The following TRAPPC9 variants were observed in gnomAD, a reference collection of about 807,000 sequenced individuals.
The protein encoded by TRAPPC9 is IKK2 binding protein.
A neutral mutation model predicts 124.0 loss-of-function variants in TRAPPC9; 83 were observed. The observed-to-expected ratio is 0.67, with a 90% CI of 0.56 to 0.80. The LOEUF is 0.80. Among genes scored for constraint, TRAPPC9 ranks in the 30% least tolerant of loss-of-function variants. The pLI, the probability that TRAPPC9 is intolerant of heterozygous loss-of-function variation, is 0.00. For missense variants in TRAPPC9, 1,302 were observed against 1,508.3 expected, an observed-to-expected ratio of 0.86 and a Z score of 2.27; for synonymous variants, 638 against 617.5, an observed-to-expected ratio of 1.03 and a Z score of -0.49.
chr8:140,206,876 C>T (rs1027615538), intron 17 of TRAPPC9, among the ~76,000 whole-genome samples: 8 of 152,074 alleles, frequency 5.3e-5, no homozygotes, highest in African/African-American at 1.7e-4. Context: ...CTTCCCAAGC[C>T]GTCTGTGACC....
intron 19 of TRAPPC9, among the ~76,000 whole-genome samples, chr8:139,987,754 G>A (rs1176842959): frequency 6.6e-6 from 1 of 152,180 alleles, no homozygotes; most frequent in East Asian, 1.9e-4. Context: ...ATGGAGGGAG[G>A]GTGAGTGGAG....
chr8:140,016,463 A>T (rs1307545234), intron 18 of TRAPPC9, among the ~76,000 whole-genome samples: 1 of 152,054 alleles, frequency 6.6e-6, no homozygotes, highest in Non-Finnish European at 1.5e-5. Context: ...CGTTACCTTA[A>T]CCCAGAGTCA....
At chr8:140,444,290 T>A (rs143812893) in intron 2 of TRAPPC9, among the ~76,000 whole-genome samples, 1,674 of 152,124 alleles carry the variant, frequency 0.011, 33 homozygotes, top group African/African-American at 0.037. Flanking sequence ...GTGTTTTTTA[T>A]CTTTTGTTAA....
chr8:139,845,079 C>T (rs1005710024), intron 21 of TRAPPC9, among the ~76,000 whole-genome samples: 1 of 152,222 alleles, frequency 6.6e-6, no homozygotes, highest in Non-Finnish European at 1.5e-5. Flanking sequence ...TCAAGCAACA[C>T]GGAGCTGAGT....
intron 5 of TRAPPC9, among the ~76,000 whole-genome samples, chr8:140,417,169 C>G (rs2069964026): frequency 6.6e-6 from 1 of 152,088 alleles, no homozygotes; most frequent in Admixed American, 6.6e-5. Context: ...GCAAAGACTT[C>G]ATAACTAAAA....
intron 18 of TRAPPC9, among the ~76,000 whole-genome samples, chr8:140,023,269 T>C (rs950918099): frequency 2.0e-5 from 3 of 152,194 alleles, no homozygotes; most frequent in Non-Finnish European, 1.5e-5. Flanking sequence ...TAGATTCCAC[T>C]ACTCCAACAT....
intron 17 of TRAPPC9, among the ~76,000 whole-genome samples, chr8:140,101,541 G>GTTTTTT (rs11387005): frequency 8.7e-6 from 1 of 114,958 alleles, no homozygotes; most frequent in Non-Finnish European, 1.7e-5. Context: ...TCTTTTTTTT[G>GTTTTTT]TTTTTTTTTT....
chr8:140,365,426 G>A (rs2068081894), intron 8 of TRAPPC9, among the ~76,000 whole-genome samples: 1 of 152,210 alleles, frequency 6.6e-6, no homozygotes, highest in African/African-American at 2.4e-5. Flanking sequence ...ATGAGGTTAC[G>A]CATGTGAAGC....
chr8:139,964,841 G>C (rs1835594761), intron 19 of TRAPPC9, among the ~76,000 whole-genome samples: 1 of 152,180 alleles, frequency 6.6e-6, no homozygotes, highest in Admixed American at 6.5e-5. Context: ...AAGGACCTTA[G>C]ACCCCAGTGC....
In TRAPPC9 at chr8:140,018,324, A is replaced by ATTTTTTCTTTTTTCTTTTTTTTTTTTT. The variant is rs765656679; in HGVS notation, c.2699+5612_2699+5613insAAAAAAAAAAAAAGAAAAAAGAAAAAA. Among the ~76,000 whole-genome samples the ATTTTTTCTTTTTTCTTTTTTTTTTTTT allele has an allele frequency of 5.8e-5, 7 of 119,774 alleles. 1 individual carries two copies. Among genetic ancestry groups the ATTTTTTCTTTTTTCTTTTTTTTTTTTT allele is most frequent in the African/African-American group, 2.0e-4 (6 of 30,664 alleles). The allele number at this position is 119,774 out of a possible 152,430, so 78.6% of individuals were successfully genotyped here. ...TTGCTGGTATATAGAAACGTAAGTG[A>ATTTTTTCTTTTTTCTTTTTTTTTTTTT]TTTTTTTTTTTTTTTTTGAGACGGA... On this transcript the variant is annotated intron_variant, in intron 18 of 22. Transcript: ENST00000438773.
At chr8:140,075,696 T>C (rs1004072740) in intron 17 of TRAPPC9, among the ~76,000 whole-genome samples, 3 of 152,208 alleles carry the variant, frequency 2.0e-5, no homozygotes, top group African/African-American at 7.2e-5. Context: ...ATAACCACTT[T>C]TCCATAGGAG....
chr8:139,832,237 G>A (rs894042990), intron 21 of TRAPPC9, among the ~76,000 whole-genome samples: 2 of 152,172 alleles, frequency 1.3e-5, no homozygotes, highest in African/African-American at 2.4e-5. Context: ...TGAGCAAAAC[G>A]GCCTCTTTCT....
intron 17 of TRAPPC9, among the ~76,000 whole-genome samples, chr8:140,038,631 G>A (rs552085875): frequency 2.0e-5 from 3 of 152,342 alleles, no homozygotes; most frequent in Non-Finnish European, 2.9e-5. Context: ...CTGATCCAGA[G>A]GGAGGCGGCC....
chr8:140,327,786 G>A (rs898167691), intron 9 of TRAPPC9, among the ~76,000 whole-genome samples: 6 of 152,160 alleles, frequency 3.9e-5, no homozygotes, highest in African/African-American at 7.2e-5. Flanking sequence ...TGTGTAATGC[G>A]TACAGAGATT....
In TRAPPC9 at chr8:140,087,994, C is replaced by T. The variant is rs140695708; in HGVS notation, c.2557-63915G>A. On this transcript the variant is annotated intron_variant, in intron 17 of 22. Coordinates refer to ENST00000438773, the MANE Select transcript of TRAPPC9 (RefSeq NM_001160372.4). This position sits in a 1 kb window ranked among gnomAD's most constrained non-coding sequence, Gnocchi z 4.6. ...CTTGGAAGATGTGGCTTACCAGAGC[C>T]CCTAGCTCTTTAGATGGCTATCTCT... Among the ~76,000 whole-genome samples the T allele has an allele frequency of 7.0e-3, 1,063 of 152,018 alleles. 5 individuals carry two copies. The highest frequency in any genetic ancestry group is 0.025 in the African/African-American group (1,025 of 41,450).
chr8:140,217,537 G>A lies in TRAPPC9; in HGVS notation c.2556+3922C>T, dbSNP rs559777193. On this transcript the variant is annotated intron_variant, in intron 17 of 22. Transcript: ENST00000438773. ...TTCCCACGAAAGATTCTATAACCCC[G>A]CATCTGGACTTACAGCATAATACAA... 1.8e-4 allele frequency among the ~76,000 whole-genome samples: 28 copies of A among 152,172 alleles called. 1 individual carries two copies. The highest frequency in any genetic ancestry group is 1.2e-3 in the East Asian group (6 of 5,188).
intron 21 of TRAPPC9, among the ~76,000 whole-genome samples, chr8:139,734,061 G>A (rs1024479803): frequency 6.6e-6 from 1 of 152,260 alleles, no homozygotes; most frequent in Non-Finnish European, 1.5e-5. Context: ...GGGCAGAGGG[G>A]ACAGGATATT....
chr8:140,272,130 C>CAATGATGGTGGCGATGGTGATGGTGGT, intron 15 of TRAPPC9, among the ~76,000 whole-genome samples: 1 of 100,458 alleles, frequency 1.0e-5, no homozygotes, highest in East Asian at 3.0e-4. Context: ...GTGATGGTGG[C>CAATGATGGTGGCGATGGTGATGGTGGT]GATGGTGATG....
intron 21 of TRAPPC9, among the ~76,000 whole-genome samples, chr8:139,797,603 C>T (rs1004604885): frequency 5.3e-5 from 8 of 152,132 alleles, no homozygotes; most frequent in African/African-American, 1.7e-4. Context: ...TGTGCCCTAC[C>T]TAGGAAACCA....
Sources: allele counts gnomAD v4.1 joint callset (sites outside exome capture counted in the v4.1 genomes callset), GRCh38; gene constraint gnomAD v4.1.1; non-coding constraint Gnocchi (gnomAD v3.1); transcripts MANE v1.5; gene names NCBI Gene and HGNC (gene_info 2026-07-23, HGNC 2026-07-21).